Variants in CADM2 observed in about 807,000 individuals in gnomAD.
CADM2 encodes the protein immunoglobulin superfamily member 4D.
Under a neutral mutation model 49.8 loss-of-function variants are expected in CADM2, and 12 were observed. The ratio of observed to expected loss-of-function variants is 0.24; its 90% CI spans 0.15 to 0.39. The LOEUF is 0.39. CADM2 is among the 10% of genes least tolerant of loss of function. The pLI is 1.00. For missense variants in CADM2, 378 were observed against 492.3 expected, an observed-to-expected ratio of 0.77 and a Z score of 2.20; for synonymous variants, 214 against 175.4, an observed-to-expected ratio of 1.22 and a Z score of -1.74.
chr3:85,330,473 CCAA>C (rs1320250175), intron 1 of CADM2, among the ~76,000 whole-genome samples: 1 of 152,070 alleles, frequency 6.6e-6, no homozygotes, highest in Non-Finnish European at 1.5e-5. Flanking sequence ...TTGCAATGCT[CCAA>C]CAACACTGAC....
intron 1 of CADM2, among the ~76,000 whole-genome samples, chr3:85,267,327 G>A (rs544028577): frequency 2.6e-5 from 4 of 151,468 alleles, no homozygotes; most frequent in South Asian, 4.2e-4. Context: ...CCTCTTTGCC[G>A]TTTTTTCAAA....
intron 8 of CADM2, among the ~76,000 whole-genome samples, chr3:86,034,219 A>C (rs1734895973): frequency 1.3e-5 from 2 of 151,886 alleles, no homozygotes; most frequent in Admixed American, 1.3e-4. Flanking sequence ...TAATTTAGTC[A>C]TTTCAATGAG....
chr3:85,380,335 C>A (rs990493178), intron 1 of CADM2, among the ~76,000 whole-genome samples: 1 of 151,622 alleles, frequency 6.6e-6, no homozygotes, highest in African/African-American at 2.4e-5. Context: ...ATAAATGTTG[C>A]TTTTTTTGCC....
At chr3:85,627,710 A>G (rs570431146) in intron 1 of CADM2, among the ~76,000 whole-genome samples, 1 of 152,178 alleles carries the variant, frequency 6.6e-6, no homozygotes, top group African/African-American at 2.4e-5. Context: ...TAAAAATCCA[A>G]TGACAAAACA....
At chr3:85,269,896 G>T (rs559985531) in intron 1 of CADM2, among the ~76,000 whole-genome samples, 1 of 150,864 alleles carries the variant, frequency 6.6e-6, no homozygotes, top group Non-Finnish European at 1.5e-5. Context: ...CTTCAAAATC[G>T]TACTAGATGT....
At chr3:85,398,232 C>T (rs921703787) in intron 1 of CADM2, among the ~76,000 whole-genome samples, 1 of 152,076 alleles carries the variant, frequency 6.6e-6, no homozygotes, top group African/African-American at 2.4e-5. Flanking sequence ...GTTCGATTCC[C>T]ACCTATGAGT....
chr3:85,732,040 G>C (rs1476839335), intron 2 of CADM2, among the ~76,000 whole-genome samples: 1 of 141,542 alleles, frequency 7.1e-6, no homozygotes, highest in African/African-American at 2.7e-5. Flanking sequence ...TTGAGGTCAT[G>C]AGATCAAGAC....
Position 85,731,993 on chromosome 3 carries a change from A to G in CADM2, c.88+5445A>G, listed in dbSNP as rs906936736. Among the ~76,000 whole-genome samples, 4 of 150,876 alleles carry G rather than the reference A, an allele frequency of 2.7e-5. No homozygotes were observed. The Admixed American group carries it at 2.7e-4, about 10-fold the overall frequency. ...CCGGGTGTGATGGCTCACACCTGTG[A>G]TCCCAGCAGTTTTGGAGGCCAAGGC... On this transcript the variant is annotated intron_variant, in intron 2 of 9. Coordinates refer to ENST00000383699, the MANE Select transcript of CADM2 (RefSeq NM_001167675.2).
intron 1 of CADM2, among the ~76,000 whole-genome samples, chr3:85,143,633 A>G (rs554506522): frequency 3.3e-5 from 5 of 152,326 alleles, no homozygotes; most frequent in African/African-American, 9.6e-5. Context: ...AAAGAAATCA[A>G]TATCCAAAGT....
chr3:85,969,145 G>A (rs540227106), intron 8 of CADM2, among the ~76,000 whole-genome samples: 40 of 151,400 alleles, frequency 2.6e-4, no homozygotes, highest in Admixed American at 2.3e-3. Context: ...ATATATAAAC[G>A]TTTTAAATGC....
chr3:85,011,243 C>T (rs1650447472), intron 1 of CADM2, among the ~76,000 whole-genome samples: 1 of 152,000 alleles, frequency 6.6e-6, no homozygotes. Context: ...CTTGATTTGT[C>T]GATCATTATG....
chr3:85,087,418 A>T (rs1209341026), intron 1 of CADM2, among the ~76,000 whole-genome samples: 1 of 152,234 alleles, frequency 6.6e-6, no homozygotes, highest in Non-Finnish European at 1.5e-5. Flanking sequence ...AAATAAAATT[A>T]TTCCTCTTCA....
chr3:85,472,430 A>T (rs1287124080), intron 1 of CADM2, among the ~76,000 whole-genome samples: 1 of 152,008 alleles, frequency 6.6e-6, no homozygotes, highest in Non-Finnish European at 1.5e-5. Flanking sequence ...TGATATATAG[A>T]TAGAAAGATA....
chr3:85,379,263 T>C (rs1358750358), intron 1 of CADM2, among the ~76,000 whole-genome samples: 5 of 152,012 alleles, frequency 3.3e-5, no homozygotes, highest in African/African-American at 4.8e-5. Context: ...AAATTCGTCA[T>C]CTTCAATAGT....
Position 85,935,810 on chromosome 3 carries a change from A to T in CADM2, c.744A>T (p.Gln248His). The change falls in exon 7 of 10, where the codon CAA becomes CAT. Residue 248 changes from glutamine (Q) to histidine (H), a missense_variant. Coordinates refer to ENST00000383699, the MANE Select transcript of CADM2 (RefSeq NM_001167675.2). ...VKIIPSTPFP[Q>H]EGQPLILTCE... is the part of the protein sequence containing the mutation. The stretch of plus-strand genomic sequence containing the variant: ...TTATACCATCGACTCCTTTTCCACA[A>T]GAAGGACAGCCTTTAATTTTGACTT... The T allele has an allele frequency of 6.2e-7, 1 of 1,607,480 alleles. No homozygotes were observed. The highest frequency in any genetic ancestry group is 1.1e-5 in the South Asian group (1 of 90,462).
chr3:86,007,865 A>T (rs1378783842), intron 8 of CADM2, among the ~76,000 whole-genome samples: 1 of 152,222 alleles, frequency 6.6e-6, no homozygotes, highest in African/African-American at 2.4e-5. Context: ...AACCATAAAG[A>T]TGGTATTTTT....
At chr3:85,373,518 C>A (rs2033402079) in intron 1 of CADM2, among the ~76,000 whole-genome samples, 2 of 152,078 alleles carry the variant, frequency 1.3e-5, no homozygotes, top group African/African-American at 4.8e-5. Context: ...ATCTACCATT[C>A]TGGGGTGGCC....
At chr3:85,145,932 A>G (rs553787916) in intron 1 of CADM2, among the ~76,000 whole-genome samples, 1 of 152,298 alleles carries the variant, frequency 6.6e-6, no homozygotes, top group African/African-American at 2.4e-5. Context: ...GAAATATTAA[A>G]TAAAAGAAAG....
intron 8 of CADM2, among the ~76,000 whole-genome samples, chr3:85,990,979 TG>T (rs1728707903): frequency 6.6e-6 from 1 of 152,180 alleles, no homozygotes; most frequent in African/African-American, 2.4e-5. Context: ...GAAAGGACAC[TG>T]ATCTCCCCCT....
Sources: allele counts gnomAD v4.1 joint callset (sites outside exome capture counted in the v4.1 genomes callset), GRCh38; gene constraint gnomAD v4.1.1; transcripts MANE v1.5; gene names NCBI Gene and HGNC (gene_info 2026-07-23, HGNC 2026-07-21).